The following AVEN variants were observed in gnomAD, a reference collection of about 807,000 sequenced individuals.
AVEN encodes cell death regulator Aven.
A neutral mutation model predicts 38.1 loss-of-function variants in AVEN; 41 were observed. The ratio of observed to expected loss-of-function variants is 1.08; its 90% confidence interval spans 0.84 to 1.40. AVEN has a LOEUF of 1.40. Ranked by LOEUF, AVEN falls within the 40% of genes most tolerant of loss-of-function variation. The pLI is 0.00. For missense variants in AVEN, 605 were observed against 438.8 expected, an observed-to-expected ratio of 1.38 and a Z score of -3.38; for synonymous variants, 206 against 171.8, an observed-to-expected ratio of 1.20 and a Z score of -1.56.
intron 2 of AVEN, among the ~76,000 whole-genome samples, chr15:33,992,316 G>A (rs916139933): frequency 6.6e-6 from 1 of 152,184 alleles, no homozygotes; most frequent in South Asian, 2.1e-4. Context: ...CGTCAGCCCG[G>A]GGGGCGGAGC....
chr15:33,917,625 TAC>T (rs1206827826), intron 2 of AVEN, among the ~76,000 whole-genome samples: 1 of 151,688 alleles, frequency 6.6e-6, no homozygotes, highest in African/African-American at 2.4e-5. Flanking sequence ...TACATATATA[TAC>T]ACACACACCA....
At chr15:33,970,192 G>C (rs1260166230) in intron 2 of AVEN, among the ~76,000 whole-genome samples, 2 of 151,918 alleles carry the variant, frequency 1.3e-5, no homozygotes, top group Non-Finnish European at 1.5e-5. Context: ...TTGTCTAAAA[G>C]TAGTCAAATT....
chr15:34,069,339 G>A (rs1053145084), intron 2 of AVEN, among the ~76,000 whole-genome samples: 2 of 149,814 alleles, frequency 1.3e-5, no homozygotes, highest in African/African-American at 5.1e-5. Context: ...AGAATTGCTT[G>A]AACCTGGGAG....
Position 34,039,100 on chromosome 15 carries a change from C to G in AVEN, c.-54G>C. The G allele has an allele frequency of 2.8e-6, 3 of 1,066,322 alleles. No homozygotes were observed. Among genetic ancestry groups the G allele is most frequent in the Non-Finnish European group, 3.4e-6 (3 of 882,928 alleles). The allele number at this position is 1,066,322 out of a possible 1,614,324, so 66.1% of individuals were successfully genotyped here. A position where few individuals can be genotyped will look rare whatever the true frequency, so the allele number is the denominator to read the frequency against. ...CGGGAGCCGAGCTGCGGCGGAGACG[C>G]CCTGGCCCCACCGGAAGCGGGCCGC... On this transcript the variant is annotated 5_prime_UTR_variant, in exon 1 of 6. Transcript: ENST00000306730.
intron 1 of AVEN, among the ~76,000 whole-genome samples, chr15:34,022,425 G>A (rs1338889289): frequency 6.6e-6 from 1 of 152,134 alleles, no homozygotes; most frequent in Non-Finnish European, 1.5e-5. Context: ...TTAAAAGAAA[G>A]GGCAGCAAAG....
chr15:33,923,273 A>G (rs1893474368), intron 2 of AVEN, among the ~76,000 whole-genome samples: 1 of 152,214 alleles, frequency 6.6e-6, no homozygotes, highest in African/African-American at 2.4e-5. Flanking sequence ...AAAAGGAGTA[A>G]TTGTGTATTC....
intron 2 of AVEN, among the ~76,000 whole-genome samples, chr15:34,070,509 A>T (rs1216377759): frequency 1.3e-5 from 2 of 151,960 alleles, no homozygotes; most frequent in East Asian, 3.9e-4. Context: ...TAAAGGTTTG[A>T]TTCTTACATA....
intron 4 of AVEN, among the ~76,000 whole-genome samples, chr15:33,868,438 G>A (rs116237950): frequency 0.046 from 6,940 of 151,592 alleles, 523 homozygotes; most frequent in African/African-American, 0.16. Flanking sequence ...CCAGCTACTC[G>A]GGAGGCTGAG....
downstream of AVEN, chr15:33,858,169 C>G (rs1191735892): frequency 2.3e-6 from 1 of 431,818 alleles, no homozygotes; most frequent in Middle Eastern, 6.2e-4. Flanking sequence ...TGCACAGTGG[C>G]GTCATCATTC....
chr15:33,991,538 T>G (rs1000982441), intron 2 of AVEN: 2 of 150,346 alleles, frequency 1.3e-5, no homozygotes, highest in Non-Finnish European at 2.9e-5. Context: ...CTGAGGATGC[T>G]CAAATGAAAT....
At chr15:33,854,767 C>T, downstream of AVEN, 1 of 1,601,096 alleles carries the variant, frequency 6.2e-7, no homozygotes, top group Non-Finnish European at 8.5e-7. Context: ...CATTCCCAGT[C>T]CTTTCTCTAC....
intron 2 of AVEN, among the ~76,000 whole-genome samples, chr15:33,905,089 C>T (rs868103927): frequency 3.6e-5 from 5 of 140,124 alleles, no homozygotes; most frequent in African/African-American, 5.3e-5. Context: ...GAGATTGCGC[C>T]GTCGCACTCC....
chr15:33,959,527 A>C (rs1189668158), intron 2 of AVEN, among the ~76,000 whole-genome samples: 1 of 151,736 alleles, frequency 6.6e-6, no homozygotes, highest in Non-Finnish European at 1.5e-5. Context: ...ACACTCTTGA[A>C]CCCCCAGACT....
In AVEN at chr15:34,003,323, C is replaced by A. The variant is rs563986952; in HGVS notation, c.268-114G>T. ...TAACAATAAAAAGCAATAGACCAAG[C>A]TGTCTGAAGATATTAAATATTATTT... On this transcript the variant is annotated intron_variant, in intron 1 of 5. Transcript: ENST00000306730. The A allele has an allele frequency of 1.0e-4, 87 of 835,102 alleles. 1 individual carries two copies. The African/African-American group carries it at 1.2e-3, about 11-fold the overall frequency. 51.7% of individuals were successfully genotyped at this position (835,102 alleles called of 1,614,324 possible).
At chr15:33,930,512 G>T (rs1022591291) in intron 2 of AVEN, among the ~76,000 whole-genome samples, 5 of 152,148 alleles carry the variant, frequency 3.3e-5, no homozygotes, top group Non-Finnish European at 7.4e-5. Flanking sequence ...TTTTCTCAAA[G>T]ACATGGAGCT....
chr15:33,950,358 T>C (rs1894693121), intron 2 of AVEN, among the ~76,000 whole-genome samples: 1 of 152,256 alleles, frequency 6.6e-6, no homozygotes, highest in Non-Finnish European at 1.5e-5. Context: ...ACCACACACA[T>C]ACAGGGCAAC....
At chr15:34,000,055 A>G (rs1348474722) in intron 2 of AVEN, among the ~76,000 whole-genome samples, 4 of 152,012 alleles carry the variant, frequency 2.6e-5, no homozygotes, top group Non-Finnish European at 5.9e-5. Flanking sequence ...AAAGCCTTTG[A>G]GCTTGCTATT....
At chr15:33,860,538 T>C in intron 11 of AVEN, 3 of 1,029,288 alleles carry the variant, frequency 2.9e-6, no homozygotes, top group Non-Finnish European at 4.2e-6. Context: ...TCCTTTATCA[T>C]TCCTCTACCC....
intron 1 of AVEN, among the ~76,000 whole-genome samples, chr15:34,017,484 G>GT (rs60119659): frequency 0.017 from 1,867 of 107,304 alleles, 66 homozygotes; most frequent in African/African-American, 0.055. Flanking sequence ...TTTTTTTTTT[G>GT]TTTTTTTTTT....
Sources: allele counts gnomAD v4.1 joint callset (sites outside exome capture counted in the v4.1 genomes callset), GRCh38; gene constraint gnomAD v4.1.1; transcripts MANE v1.5; gene names NCBI Gene and HGNC (gene_info 2026-07-23, HGNC 2026-07-21).